The following ENOX2 variants were observed in gnomAD, a reference collection of about 807,000 sequenced individuals.
ENOX2 encodes APK1 antigen.
Under a neutral mutation model 45.0 loss-of-function variants are expected in ENOX2, and 36 were observed. That is an observed-to-expected ratio of 0.80 (90% confidence interval 0.61 to 1.06). The LOEUF is 1.06. Ranked by LOEUF, ENOX2 falls within the 50% of genes least tolerant of loss-of-function variation. The pLI, the probability that ENOX2 is intolerant of heterozygous loss-of-function variation, is 0.00. For synonymous variants in ENOX2, 174 were observed against 152.3 expected, an observed-to-expected ratio of 1.14 and a Z score of -1.05; for missense variants, 423 against 462.5, an observed-to-expected ratio of 0.91 and a Z score of 0.78.
intron 2 of ENOX2, among the ~76,000 whole-genome samples, chrX:130,896,404 T>G (rs2079059400): frequency 1.8e-5 from 2 of 111,535 alleles, no homozygotes; most frequent in African/African-American, 6.5e-5. Context: ...ATCCCAGTTT[T>G]CAGCTGGGTG....
chrX:130,660,937 A>G (rs915772038), intron 9 of ENOX2, among the ~76,000 whole-genome samples: 1 of 112,150 alleles, frequency 8.9e-6, no homozygotes, highest in Non-Finnish European at 1.9e-5. Flanking sequence ...GGAACAATGT[A>G]CTTTCATATA....
At chrX:130,809,666 T>C (rs1343128949) in intron 2 of ENOX2, among the ~76,000 whole-genome samples, 2 of 111,629 alleles carry the variant, frequency 1.8e-5, no homozygotes, top group Non-Finnish European at 3.8e-5. Flanking sequence ...TAGTCATAGT[T>C]ACAATTAGGA....
chrX:130,701,607 C>T (rs1369404491), intron 4 of ENOX2, among the ~76,000 whole-genome samples: 1 of 111,215 alleles, frequency 9.0e-6, no homozygotes, highest in African/African-American at 3.3e-5. Context: ...ATTAGTCTGA[C>T]TTTGTAGATG....
rs147443937 is a variant in ENOX2, at chrX:130,729,729, C to T, written c.-38-26475G>A. On this transcript the variant is annotated intron_variant, in intron 3 of 14. Coordinates refer to ENST00000394363, the MANE Select transcript of ENOX2 (RefSeq NM_006375.4). The stretch of plus-strand genomic sequence containing the variant: ...ACAACAAATTCAGAAATACTAAAAG[C>T]GTCACAGCTAATCAGATGGCCTGCT... Among the ~76,000 whole-genome samples, 72 of 112,510 alleles carry T rather than the reference C, an allele frequency of 6.4e-4. No homozygotes were observed. The South Asian group carries it at 9.9e-3, about 16-fold the overall frequency.
intron 2 of ENOX2, among the ~76,000 whole-genome samples, chrX:130,829,690 A>G (rs1231983534): frequency 1.8e-5 from 2 of 111,309 alleles, no homozygotes; most frequent in Non-Finnish European, 3.8e-5. Context: ...GACTCATTCA[A>G]TCCTTACAAT....
chrX:130,661,381 G>A (rs2036683756), intron 9 of ENOX2, among the ~76,000 whole-genome samples: 1 of 109,884 alleles, frequency 9.1e-6, no homozygotes, highest in Non-Finnish European at 1.9e-5. Flanking sequence ...TAGAGATGGG[G>A]TTTTACCATG....
intron 2 of ENOX2, among the ~76,000 whole-genome samples, chrX:130,798,506 C>T (rs1336281248): frequency 1.8e-5 from 2 of 111,419 alleles, no homozygotes; most frequent in African/African-American, 3.3e-5. Flanking sequence ...TAGACTTAAA[C>T]TTGTCCAATT....
intron 3 of ENOX2, among the ~76,000 whole-genome samples, chrX:130,717,819 A>G (rs1001115009): frequency 8.9e-6 from 1 of 111,810 alleles, no homozygotes; most frequent in Non-Finnish European, 1.9e-5. Flanking sequence ...TATTACCTTT[A>G]AAGTCCACCA....
chrX:130,637,712 G>T (rs2035968346), intron 10 of ENOX2, among the ~76,000 whole-genome samples: 1 of 111,495 alleles, frequency 9.0e-6, no homozygotes, highest in Non-Finnish European at 1.9e-5. Flanking sequence ...AATAATATAG[G>T]ACCAATTCCC....
intron 12 of ENOX2, among the ~76,000 whole-genome samples, chrX:130,631,805 G>A (rs913807403): frequency 1.1e-5 from 1 of 94,962 alleles, no homozygotes; most frequent in Non-Finnish European, 2.1e-5. Context: ...ACCTTCACCA[G>A]TTTTTTTTTT....
At chrX:130,887,003 C>A (rs16999768) in intron 2 of ENOX2, among the ~76,000 whole-genome samples, 5 of 111,757 alleles carry the variant, frequency 4.5e-5, no homozygotes, top group Non-Finnish European at 9.4e-5. Context: ...ATTAAGGGAT[C>A]GGGACTACCA....
intron 9 of ENOX2, among the ~76,000 whole-genome samples, chrX:130,665,283 A>C (rs2036802008): frequency 8.9e-6 from 1 of 112,226 alleles, no homozygotes; most frequent in African/African-American, 3.2e-5. Flanking sequence ...AGACACTCTA[A>C]AAAATGTAAG....
intron 2 of ENOX2, among the ~76,000 whole-genome samples, chrX:130,815,254 A>C (rs2077461772): frequency 8.9e-6 from 1 of 112,171 alleles, no homozygotes; most frequent in South Asian, 3.7e-4. Flanking sequence ...TATGTGAAAA[A>C]GACCAAACCT....
At chrX:130,891,229 C>T (rs904610568) in intron 2 of ENOX2, among the ~76,000 whole-genome samples, 57 of 109,886 alleles carry the variant, frequency 5.2e-4, no homozygotes, top group African/African-American at 1.7e-3. Context: ...AAGAAATACA[C>T]TTCATTTAAG....
chrX:130,849,334 T>C (rs1317831212), intron 2 of ENOX2, among the ~76,000 whole-genome samples: 1 of 111,935 alleles, frequency 8.9e-6, no homozygotes, highest in Non-Finnish European at 1.9e-5. Context: ...CCAAGGACTG[T>C]AGTCAGAGAC....
chrX:130,824,502 G>C (rs2077678807), intron 2 of ENOX2, among the ~76,000 whole-genome samples: 1 of 111,760 alleles, frequency 8.9e-6, no homozygotes, highest in Non-Finnish European at 1.9e-5. Flanking sequence ...CAGGTTGTGT[G>C]AGAATGATAC....
intron 5 of ENOX2, among the ~76,000 whole-genome samples, chrX:130,684,160 T>G (rs1305504019): frequency 8.9e-6 from 1 of 112,777 alleles, no homozygotes; most frequent in Non-Finnish European, 1.9e-5. Flanking sequence ...AAAGGGCTTT[T>G]GCCTATGTAA....
chrX:130,644,570 G>C (rs2036177180), intron 10 of ENOX2, among the ~76,000 whole-genome samples: 1 of 111,695 alleles, frequency 9.0e-6, no homozygotes, highest in South Asian at 3.7e-4. Context: ...AAAAAGAAAT[G>C]AGCCATCAAG....
chrX:130,688,886 C>A lies in ENOX2; in HGVS notation c.230G>T (p.Cys77Phe). The A allele has an allele frequency of 8.4e-7, 1 of 1,195,983 alleles. No homozygotes were observed. The highest frequency in any genetic ancestry group is 1.1e-6 in the Non-Finnish European group (1 of 884,862). Residue 77 changes from cysteine to phenylalanine, a missense_variant, in exon 5 of 15, where the codon TGC (cysteine) becomes TTC (phenylalanine). Physicochemically the swap from Cys to Phe is radical, Grantham distance 205. Transcript: ENST00000394363. Reference sequence around the variant, plus strand: ...ACTTGGATTTGGAGGGAAGAGCGTGCAGCTTTTACAGTGTATGATCTCTTT... The same window carrying A: ...ACTTGGATTTGGAGGGAAGAGCGTGAAGCTTTTACAGTGTATGATCTCTTT... ...VVKEIIHCKSCTLFPPNPNLP... is the reference protein window; with the variant it reads ...VVKEIIHCKSFTLFPPNPNLP...
Sources: gnomAD v4.1 joint callset for allele counts (sites outside exome capture counted in the v4.1 genomes callset) on GRCh38, gnomAD v4.1.1 for gene constraint, MANE v1.5 for transcripts, NCBI Gene and HGNC (gene_info 2026-07-23, HGNC 2026-07-21) for gene names.